Variants in OTUD7A observed in about 807,000 individuals in gnomAD.
OTUD7A encodes OTU domain-containing protein 7A.
Under a neutral mutation model 65.7 loss-of-function variants are expected in OTUD7A, and 12 were observed. The observed-to-expected ratio is 0.18, with a 90% CI of 0.12 to 0.30. The LOEUF (loss-of-function observed/expected upper bound fraction) is 0.30. Among genes scored for constraint, OTUD7A ranks in the 10% least tolerant of loss-of-function variants. OTUD7A has a pLI of 1.00. For missense variants in OTUD7A, 1,148 were observed against 1,304.8 expected, an observed-to-expected ratio of 0.88 and a Z score of 1.85; for synonymous variants, 641 against 586.3, an observed-to-expected ratio of 1.09 and a Z score of -1.35.
At chr15:31,733,039 A>G (rs1309676767) in intron 1 of OTUD7A, among the ~76,000 whole-genome samples, 3 of 152,226 alleles carry the variant, frequency 2.0e-5, no homozygotes, top group Non-Finnish European at 4.4e-5. Flanking sequence ...CCTGAAAAAA[A>G]GCTCTTTAAC....
At chr15:31,561,545 C>A (rs545579072) in intron 4 of OTUD7A, among the ~76,000 whole-genome samples, 5 of 152,204 alleles carry the variant, frequency 3.3e-5, no homozygotes, top group Non-Finnish European at 7.4e-5. Flanking sequence ...CAATCAGCAC[C>A]CACATGAGAC....
chr15:31,868,012 C>T (rs957735969), intron 1 of OTUD7A, among the ~76,000 whole-genome samples: 1 of 152,236 alleles, frequency 6.6e-6, no homozygotes, highest in African/African-American at 2.4e-5. Flanking sequence ...CCCGCCAAGC[C>T]GCGTTTAGCA....
chr15:31,646,397 T>C (rs1160644905), intron 3 of OTUD7A, among the ~76,000 whole-genome samples: 4 of 152,140 alleles, frequency 2.6e-5, no homozygotes, highest in East Asian at 1.9e-4. Context: ...AGTGTCTTTC[T>C]TTCTCTCTTT....
intron 1 of OTUD7A, among the ~76,000 whole-genome samples, chr15:31,802,183 C>T (rs1176544931): frequency 6.6e-6 from 1 of 150,800 alleles, no homozygotes. Context: ...AATATTAGCT[C>T]ACATGATCAC....
At chr15:31,686,630 G>A (rs1205176386) in intron 1 of OTUD7A, among the ~76,000 whole-genome samples, 1 of 152,192 alleles carries the variant, frequency 6.6e-6, no homozygotes, top group African/African-American at 2.4e-5. Flanking sequence ...TGGTAAGAAG[G>A]AAAAAGGAGA....
intron 3 of OTUD7A, among the ~76,000 whole-genome samples, chr15:31,572,925 C>T (rs1394739522): frequency 6.6e-6 from 1 of 151,470 alleles, no homozygotes; most frequent in Admixed American, 6.6e-5. Flanking sequence ...TAATTTGAGC[C>T]CCAAATAAAA....
At chr15:31,592,905 AT>A (rs1461002378) in intron 3 of OTUD7A, among the ~76,000 whole-genome samples, 4,074 of 31,784 alleles carry the variant, frequency 0.13, 403 homozygotes, top group African/African-American at 0.14. Context: ...AAAAAAAAAA[AT>A]ATATATATAT....
intron 8 of OTUD7A, among the ~76,000 whole-genome samples, chr15:31,510,592 T>C (rs1395918391): frequency 1.4e-5 from 1 of 73,108 alleles, no homozygotes; most frequent in African/African-American, 4.8e-5. Context: ...CATACATATG[T>C]ATATCTATAT....
intron 3 of OTUD7A, among the ~76,000 whole-genome samples, chr15:31,634,740 C>A (rs1176154329): frequency 6.6e-6 from 1 of 152,276 alleles, no homozygotes; most frequent in African/African-American, 2.4e-5. Context: ...CTGTGCTTCA[C>A]AGAGCAGGGG....
intron 1 of OTUD7A, among the ~76,000 whole-genome samples, chr15:31,674,679 A>G (rs954894647): frequency 4.6e-5 from 7 of 152,210 alleles, no homozygotes; most frequent in African/African-American, 1.7e-4. Flanking sequence ...AGTCTACCTG[A>G]TGGAAATGGT....
rs747962671 is a variant in OTUD7A, at chr15:31,733,134, T to C, written c.-99-76057A>G. ...CTGGGGACGTGCAAACCTGGCCAAG[T>C]TGGTGATGTATCAGCACTCCATTTC... On this transcript the variant is annotated intron_variant, in intron 1 of 12. Coordinates refer to ENST00000307050, the MANE Select transcript of OTUD7A (RefSeq NM_001382637.1). 2.6e-5 allele frequency among the ~76,000 whole-genome samples: 4 copies of C among 152,168 alleles called. No individual in the cohort carries two copies. The East Asian group carries it at 5.8e-4, about 22-fold the overall frequency.
intron 3 of OTUD7A, among the ~76,000 whole-genome samples, chr15:31,622,765 G>A (rs12915478): frequency 0.29 from 43,641 of 152,074 alleles, 7,399 homozygotes; most frequent in African/African-American, 0.47. Flanking sequence ...CTCTCAACTC[G>A]TCAAAGTCAT....
intron 3 of OTUD7A, among the ~76,000 whole-genome samples, chr15:31,609,693 T>C (rs557651690): frequency 1.4e-4 from 21 of 152,310 alleles, no homozygotes; most frequent in African/African-American, 4.3e-4. Context: ...TCCCACCCAC[T>C]GCTGGTCCCT....
intron 3 of OTUD7A, among the ~76,000 whole-genome samples, chr15:31,620,403 T>G (rs1314287031): frequency 6.6e-6 from 1 of 152,114 alleles, no homozygotes; most frequent in Non-Finnish European, 1.5e-5. Context: ...GTCCTGGACT[T>G]TTTTTGGTTG....
At chr15:31,645,020 T>G (rs976198294) in intron 3 of OTUD7A, among the ~76,000 whole-genome samples, 2 of 152,166 alleles carry the variant, frequency 1.3e-5, no homozygotes, top group African/African-American at 4.8e-5. Flanking sequence ...AAACCCTCTG[T>G]GAATCGCTGC....
intron 1 of OTUD7A, among the ~76,000 whole-genome samples, chr15:31,780,845 T>C (rs754341348): frequency 3.3e-5 from 5 of 152,218 alleles, no homozygotes; most frequent in African/African-American, 1.2e-4. Context: ...TGCCATTCAA[T>C]GTCTTGCATG....
intron 1 of OTUD7A, among the ~76,000 whole-genome samples, chr15:31,856,805 C>T (rs1239128519): frequency 6.6e-6 from 1 of 152,216 alleles, no homozygotes; most frequent in South Asian, 2.1e-4. Context: ...GAAATTCTGA[C>T]GTCTGCCCAA....
chr15:31,690,345 G>T (rs3913618), intron 1 of OTUD7A, among the ~76,000 whole-genome samples: 149,385 of 152,076 alleles, frequency 0.98, 73,429 homozygotes, highest in East Asian at 1. Context: ...CCTTTATTAA[G>T]TTTTAATTTT....
chr15:31,741,424 C>T (rs1178814248), intron 1 of OTUD7A, among the ~76,000 whole-genome samples: 1 of 152,188 alleles, frequency 6.6e-6, no homozygotes, highest in East Asian at 1.9e-4. Flanking sequence ...TGGTTTGCTG[C>T]ACCCCAGAAC....
Sources: allele counts gnomAD v4.1 joint callset (sites outside exome capture counted in the v4.1 genomes callset), GRCh38; gene constraint gnomAD v4.1.1; transcripts MANE v1.5; gene names NCBI Gene and HGNC (gene_info 2026-07-23, HGNC 2026-07-21).